The following KCNAB2 variants were observed in gnomAD, a reference collection of about 807,000 sequenced individuals.
The protein encoded by KCNAB2 is potassium voltage-gated channel subfamily A regulatory beta subunit 2, also known as voltage-gated potassium channel subunit beta-2.
A neutral mutation model predicts 63.6 loss-of-function variants in KCNAB2; 29 were observed. The observed-to-expected ratio is 0.46, with a 90% CI of 0.34 to 0.62. The LOEUF (loss-of-function observed/expected upper bound fraction) is 0.62. Ranked by LOEUF, KCNAB2 falls within the 20% of genes least tolerant of loss-of-function variation. The pLI is 0.01. For synonymous variants in KCNAB2, 222 were observed against 224.2 expected, an observed-to-expected ratio of 0.99 and a Z score of 0.09; for missense variants, 359 against 563.9, an observed-to-expected ratio of 0.64 and a Z score of 3.68.
At chr1:6,085,924 G>C (rs1427971136) in intron 6 of KCNAB2, 2 of 985,408 alleles carry the variant, frequency 2.0e-6, no homozygotes, top group Non-Finnish European at 2.4e-6. Flanking sequence ...ACAGACCGGG[G>C]AGCGGTCCCC....
chr1:6,026,941 T>A (rs1659227195), intron 1 of KCNAB2, among the ~76,000 whole-genome samples: 1 of 152,170 alleles, frequency 6.6e-6, no homozygotes, highest in Non-Finnish European at 1.5e-5. Flanking sequence ...GCCCCTGCCT[T>A]GAACATGGAT....
At chr1:6,041,524 A>G (rs1419006061), upstream of KCNAB2, 1 of 432,026 alleles carries the variant, frequency 2.3e-6, no homozygotes, top group Non-Finnish European at 4.3e-6. Flanking sequence ...AAGCACATTC[A>G]ATCCAAACCA....
In KCNAB2 at chr1:6,096,541, G is replaced by A. The variant is rs950444920; in HGVS notation, c.949-95G>A. On this transcript the variant is annotated intron_variant, in intron 13 of 15. Coordinates refer to ENST00000378083, the MANE Select transcript of KCNAB2 (RefSeq NM_001199862.2). This position sits in a 1 kb window ranked among gnomAD's most constrained non-coding sequence, Gnocchi z 5.9. ...AGAAGAGCCCCTATGAGGGAGAAGG[G>A]TCCAGAAGGAATGAGCCCATCGGCC... The A allele has an allele frequency of 2.7e-6, 4 of 1,458,796 alleles. No homozygotes were observed. The highest frequency in any genetic ancestry group is 3.7e-6 in the Non-Finnish European group (4 of 1,086,666). 90.4% of individuals were successfully genotyped at this position (1,458,796 alleles called of 1,614,324 possible). A position where few individuals can be genotyped will look rare whatever the true frequency, so the allele number is the denominator to read the frequency against.
intron 1 of KCNAB2, among the ~76,000 whole-genome samples, chr1:5,999,714 G>GGTCA (rs1657129051): frequency 1.3e-5 from 2 of 151,994 alleles, no homozygotes; most frequent in Non-Finnish European, 2.9e-5. Flanking sequence ...GGAGGCCAGG[G>GGTCA]GTCAGTACAG....
intron 4 of KCNAB2, among the ~76,000 whole-genome samples, chr1:6,079,783 G>A (rs1664041841): frequency 6.6e-6 from 1 of 152,202 alleles, no homozygotes; most frequent in Admixed American, 6.5e-5. Context: ...CAGGGAGATG[G>A]ATGGTGGTGA....
intron 1 of KCNAB2, among the ~76,000 whole-genome samples, chr1:6,011,090 G>A (rs1658117820): frequency 6.6e-6 from 1 of 152,206 alleles, no homozygotes; most frequent in Non-Finnish European, 1.5e-5. Flanking sequence ...TTCAGACCTG[G>A]GACTCAGCCA....
Position 6,087,937 on chromosome 1 carries a change from G to A in KCNAB2, c.470+426G>A, listed in dbSNP as rs928243370. Among the ~76,000 whole-genome samples, 7 of 152,138 alleles carry A rather than the reference G, an allele frequency of 4.6e-5. No individual in the cohort carries two copies. The highest frequency in any genetic ancestry group is 1.2e-4 in the African/African-American group (5 of 41,420). On this transcript the variant is annotated intron_variant, in intron 7 of 15. Coordinates refer to ENST00000378083, the MANE Select transcript of KCNAB2 (RefSeq NM_001199862.2). This position sits in a 1 kb window ranked among gnomAD's most constrained non-coding sequence, Gnocchi z 6.4. ...CAAAGCACTCCAAATTCCCTGGGCCGCCTGTCACCCCTGCAGGTCTCCAAG... is the reference window on the plus strand; with the variant it reads ...CAAAGCACTCCAAATTCCCTGGGCCACCTGTCACCCCTGCAGGTCTCCAAG...
In KCNAB2 at chr1:6,072,922, C is replaced by CT. The variant is rs3835239; in HGVS notation, c.262+125dup. The CT allele has an allele frequency of 6.3e-5, 52 of 824,278 alleles. No homozygotes were observed. The East Asian group carries it at 1.3e-3, about 20-fold the overall frequency. 51.1% of individuals were successfully genotyped at this position (824,278 alleles called of 1,614,324 possible). ...AACCTTGGCACTCCCCAGGGAGTAG[C>CT]TGCACCCAGAGCCCAGGATTCAGGG... is the stretch of plus-strand genomic sequence containing the variant. On this transcript the variant is annotated intron_variant, in intron 3 of 15. Coordinates refer to ENST00000378083, the MANE Select transcript of KCNAB2 (RefSeq NM_001199862.2).
chr1:6,056,679 G>C (rs1042806275), intron 2 of KCNAB2, among the ~76,000 whole-genome samples: 6 of 152,158 alleles, frequency 3.9e-5, no homozygotes, highest in Non-Finnish European at 8.8e-5. Context: ...GTTTCAACTC[G>C]GACCCCTCTC....
chr1:6,100,422 A>T lies in KCNAB2; in HGVS notation c.*1848A>T. 5.7e-6 allele frequency: 1 copy of T among 174,630 alleles called. No individual in the cohort carries two copies. Among genetic ancestry groups the T allele is most frequent in the Non-Finnish European group, 1.2e-5 (1 of 83,274 alleles). The allele number at this position is 174,630 out of a possible 1,614,324, so 10.8% of individuals were successfully genotyped here. A position where few individuals can be genotyped will look rare whatever the true frequency, so the allele number is the denominator to read the frequency against. The stretch of plus-strand genomic sequence containing the variant: ...GGTCCCAGCCTATGGCCCTGGGCCC[A>T]GGTGGGGGTCGCCTGCTTCCTTCCC... On this transcript the variant is annotated 3_prime_UTR_variant, in exon 16 of 16. Transcript: ENST00000378083.
chr1:6,073,858 G>A lies in KCNAB2; in HGVS notation c.300+88G>A, dbSNP rs552023984. 29 of 1,359,846 alleles carry A rather than the reference G, an allele frequency of 2.1e-5. No homozygotes were observed. The highest frequency in any genetic ancestry group is 2.9e-5 in the African/African-American group (2 of 69,812). The allele number at this position is 1,359,846 out of a possible 1,614,324, so 84.2% of individuals were successfully genotyped here. A position where few individuals can be genotyped will look rare whatever the true frequency, so the allele number is the denominator to read the frequency against. The stretch of plus-strand genomic sequence containing the variant: ...GTCTGCCGCGTGGACCAGTGAGCAC[G>A]TGCTCCCGGGAGCCAGCGCAGCAGC... On this transcript the variant is annotated intron_variant, in intron 4 of 15. Coordinates refer to ENST00000378083, the MANE Select transcript of KCNAB2 (RefSeq NM_001199862.2). This position sits in a 1 kb window ranked among gnomAD's most constrained non-coding sequence, Gnocchi z 5.7.
At chr1:6,051,440 C>G (rs992724431) in intron 1 of KCNAB2, 71 bp from the exon 2 acceptor site, 2 of 1,413,306 alleles carry the variant, frequency 1.4e-6, no homozygotes, top group Admixed American at 5.7e-5. Flanking sequence ...GCCCCCTGCC[C>G]CAGGGCCAGC....
At position 6,003,176 on chromosome 1, in the gene KCNAB2, C is replaced by T. The variant is rs550228835; in HGVS notation, c.-53+10388C>T. Among the ~76,000 whole-genome samples the T allele has an allele frequency of 2.3e-3, 355 of 152,310 alleles. 2 individuals carry two copies. Among genetic ancestry groups the T allele is most frequent in the Non-Finnish European group, 3.9e-3 (264 of 68,012 alleles). On this transcript the variant is annotated intron_variant, in intron 1 of 16. Transcript: ENST00000341524. This position sits in a 1 kb window ranked among gnomAD's most constrained non-coding sequence, Gnocchi z 4.1. ...CAGGTAAAGGGAAACCACATGGGGG[C>T]GAGGCCAGCGCACAGCCCCAGCAGC...
At chr1:6,060,901 CAAAAAAAAAAAA>C (rs58592769) in intron 2 of KCNAB2, among the ~76,000 whole-genome samples, 1 of 85,198 alleles carries the variant, frequency 1.2e-5, no homozygotes, top group Non-Finnish European at 2.6e-5. Context: ...GACTCCGTCT[CAAAAAAAAAAAA>C]AAAAAAAAAG....
rs367691470 is a variant in KCNAB2 at position 6,095,470 on chromosome 1, G to GCCCCA, written c.853+37_853+41dup. ...TGGGCACCCTCGGGCCCCTCGCCCC[G>GCCCCA]CCCCACCCCACCCCTGCTCTCGGGC... On this transcript the variant is annotated intron_variant, in intron 12 of 15. Transcript: ENST00000378083. 5.4e-5 allele frequency: 43 copies of GCCCCA among 791,016 alleles called. No individual in the cohort carries two copies. The African/African-American group carries it at 7.7e-4, about 14-fold the overall frequency. 49.0% of individuals were successfully genotyped at this position (791,016 alleles called of 1,614,324 possible). A position where few individuals can be genotyped will look rare whatever the true frequency, so the allele number is the denominator to read the frequency against.
intron 1 of KCNAB2, among the ~76,000 whole-genome samples, chr1:6,049,691 T>C (rs1661230477): frequency 6.6e-6 from 1 of 152,220 alleles, no homozygotes; most frequent in South Asian, 2.1e-4. Context: ...GGGGGCTCCT[T>C]GCCTGCTGGT....
intron 1 of KCNAB2, among the ~76,000 whole-genome samples, chr1:6,037,231 T>G (rs1660112036): frequency 6.6e-6 from 1 of 152,094 alleles, no homozygotes. Context: ...CCAACCCAAG[T>G]TGAGTTTGTG....
rs892353016 is a variant in KCNAB2, at chr1:6,100,046, C to A, written c.*1472C>A. On this transcript the variant is annotated 3_prime_UTR_variant, in exon 16 of 16. Coordinates refer to ENST00000378083, the MANE Select transcript of KCNAB2 (RefSeq NM_001199862.2). ...CCATAGGGAAGCCTGTGTCTCCTGC[C>A]CCCAGGGCGCACCCTCAGTGCAGGC... 1.2e-5 allele frequency: 18 copies of A among 1,506,094 alleles called. No homozygotes were observed. Among genetic ancestry groups the A allele is most frequent in the Non-Finnish European group, 1.5e-5 (17 of 1,125,116 alleles). 93.3% of individuals were successfully genotyped at this position (1,506,094 alleles called of 1,614,324 possible).
chr1:6,046,012 T>C lies in KCNAB2; in HGVS notation c.-198T>C. ...GCCCTAATAGAACTAATGGACTCGC[T>C]GCCTCAAAACTCGACTCTGGTGGGA... is the stretch of plus-strand genomic sequence containing the variant. On this transcript the variant is annotated 5_prime_UTR_variant, in exon 1 of 16. Transcript: ENST00000378083. The C allele has an allele frequency of 1.0e-6, 1 of 985,470 alleles. No individual in the cohort carries two copies. The highest frequency in any genetic ancestry group is 1.2e-6 in the Non-Finnish European group (1 of 829,934). The allele number at this position is 985,470 out of a possible 1,614,324, so 61.0% of individuals were successfully genotyped here.
Sources: allele counts gnomAD v4.1 joint callset (sites outside exome capture counted in the v4.1 genomes callset), GRCh38; gene constraint gnomAD v4.1.1; non-coding constraint Gnocchi (gnomAD v3.1); transcripts MANE v1.5; gene names NCBI Gene and HGNC (gene_info 2026-07-23, HGNC 2026-07-21).